The following CHL1 variants were observed in gnomAD, a reference collection of about 807,000 sequenced individuals.
CHL1 encodes cell adhesion molecule L1 like.
Under a neutral mutation model 141.9 loss-of-function variants are expected in CHL1, and 96 were observed. The ratio of observed to expected loss-of-function variants is 0.68; its 90% CI spans 0.57 to 0.80. The LOEUF (loss-of-function observed/expected upper bound fraction) is 0.80. Among genes scored for constraint, CHL1 ranks in the 30% least tolerant of loss-of-function variants. CHL1 has a pLI of 0.00. For synonymous variants in CHL1, 613 were observed against 502.2 expected, an observed-to-expected ratio of 1.22 and a Z score of -2.95; for missense variants, 1,820 against 1,457.2, an observed-to-expected ratio of 1.25 and a Z score of -4.05.
chr3:340,337 T>C (rs1457641059), intron 5 of CHL1, among the ~76,000 whole-genome samples: 2 of 152,196 alleles, frequency 1.3e-5, no homozygotes, highest in Non-Finnish European at 2.9e-5. Context: ...TTTTATTTAG[T>C]GTGGTTAATG....
chr3:307,314 A>G (rs465542), intron 2 of CHL1, among the ~76,000 whole-genome samples: 1 of 152,228 alleles, frequency 6.6e-6, no homozygotes, highest in Non-Finnish European at 1.5e-5. Context: ...ATGCACAAGC[A>G]TGCATTTACA....
intron 10 of CHL1, among the ~76,000 whole-genome samples, chr3:349,799 C>T (rs1465411754): frequency 6.6e-6 from 1 of 152,146 alleles, no homozygotes; most frequent in African/African-American, 2.4e-5. Flanking sequence ...ATGATTTATT[C>T]AAATAGTCAT....
At chr3:382,745 G>C (rs1020756355) in intron 18 of CHL1, 74 bp downstream of exon 18, 6 of 1,229,132 alleles carry the variant, frequency 4.9e-6, no homozygotes, top group Non-Finnish European at 5.9e-6. Flanking sequence ...AAAAAAAAAA[G>C]ATTGATAGAG....
intron 1 of CHL1, among the ~76,000 whole-genome samples, chr3:235,063 T>C (rs1015155559): frequency 6.6e-6 from 1 of 151,912 alleles, no homozygotes; most frequent in African/African-American, 2.4e-5. Flanking sequence ...TGCAGGTTAG[T>C]TACATATGTA....
In CHL1 at chr3:319,899, G is replaced by A. The variant is rs762988832; in HGVS notation, c.91+32G>A. 3.2e-6 allele frequency: 4 copies of A among 1,242,350 alleles called. No individual in the cohort carries two copies. In the South Asian group the frequency reaches 3.8e-5, roughly 12 times the overall value. The allele number at this position is 1,242,350 out of a possible 1,614,324, so 77.0% of individuals were successfully genotyped here. ...TTAAAACATTCAGTGCCTATTAATG[G>A]AATTTCATATTTGCATTTTGATTTT... On this transcript the variant is annotated intron_variant, in intron 3 of 27. Coordinates refer to ENST00000256509, the MANE Select transcript of CHL1 (RefSeq NM_006614.4).
At position 322,647 on chromosome 3, in the gene CHL1, T is replaced by TATATATATATATATATAAA. The variant is rs1400289941; in HGVS notation, c.91+2797_91+2798insAAATATATATATATATATA. Among the ~76,000 whole-genome samples the TATATATATATATATATAAA allele has an allele frequency of 1.3e-4, 6 of 44,778 alleles. No individual in the cohort carries two copies. In the African/African-American group the frequency reaches 1.4e-3, roughly 10 times the overall value. 29.4% of individuals were successfully genotyped at this position (44,778 alleles called of 152,430 possible). Reference sequence around the variant, plus strand: ...CTCTAAATTATATATATATATAAAATATATATATATATATATATATATAAT... The same window carrying TATATATATATATATATAAA: ...CTCTAAATTATATATATATATAAAATATATATATATATATATAAAATATATATATATATATATATATAAT... On this transcript the variant is annotated intron_variant, in intron 3 of 27. Transcript: ENST00000256509.
chr3:333,597 G>T (rs559743871), intron 5 of CHL1, among the ~76,000 whole-genome samples: 1 of 152,230 alleles, frequency 6.6e-6, no homozygotes, highest in South Asian at 2.1e-4. Flanking sequence ...TCCAAGACAT[G>T]GCACAGGGAT....
chr3:259,091 G>T (rs1472004213), intron 2 of CHL1, among the ~76,000 whole-genome samples: 1 of 151,756 alleles, frequency 6.6e-6, no homozygotes, highest in Non-Finnish European at 1.5e-5. Flanking sequence ...ATGCCACCAT[G>T]CATGTCTTTT....
intron 15 of CHL1, among the ~76,000 whole-genome samples, chr3:372,635 C>T (rs1199020659): frequency 1.3e-5 from 2 of 152,128 alleles, no homozygotes; most frequent in Non-Finnish European, 2.9e-5. Context: ...ATCCTCCATC[C>T]AGTTCTGCGC....
chr3:263,299 A>C (rs1228533867), intron 2 of CHL1, among the ~76,000 whole-genome samples: 1 of 152,156 alleles, frequency 6.6e-6, no homozygotes, highest in East Asian at 1.9e-4. Context: ...AGGTACATTA[A>C]GAGTTGCAGC....
intron 9 of CHL1, among the ~76,000 whole-genome samples, chr3:347,199 G>A (rs1485022168): frequency 1.3e-5 from 2 of 151,956 alleles, no homozygotes; most frequent in Non-Finnish European, 2.9e-5. Flanking sequence ...TGGGTTTAAA[G>A]TAGGTATAAT....
At chr3:384,970 A>G (rs1323615248) in intron 19 of CHL1, among the ~76,000 whole-genome samples, 1 of 152,202 alleles carries the variant, frequency 6.6e-6, no homozygotes, top group Non-Finnish European at 1.5e-5. Flanking sequence ...CACTTCAGTG[A>G]AATTAAGTTT....
At chr3:332,527 T>G (rs1454105197) in intron 5 of CHL1, among the ~76,000 whole-genome samples, 1 of 151,764 alleles carries the variant, frequency 6.6e-6, no homozygotes, top group Non-Finnish European at 1.5e-5. Flanking sequence ...TTTCTTTGTG[T>G]TTTTTTTACA....
chr3:382,176 TA>T lies in CHL1; in HGVS notation c.1877-2del. 6.2e-7 allele frequency: 1 copy of T among 1,610,262 alleles called. No individual in the cohort carries two copies. The highest frequency in any genetic ancestry group is 1.3e-5 in the African/African-American group (1 of 74,838). On this transcript the variant is annotated splice_acceptor_variant, in intron 16 of 27. Coordinates refer to ENST00000256509, the MANE Select transcript of CHL1 (RefSeq NM_006614.4). LOFTEE classifies it high-confidence loss of function. ...CTACATTTTCCCTTCCTTTATTAAT[TA>T]GATGTTCCGGATCCACCAGAAAACC...
chr3:316,261 G>A (rs1372098755), intron 2 of CHL1, among the ~76,000 whole-genome samples: 1 of 151,878 alleles, frequency 6.6e-6, no homozygotes, highest in Non-Finnish European at 1.5e-5. Flanking sequence ...TAATTTGGGG[G>A]CTGCATTTCA....
At chr3:216,136 T>C (rs980808836) in intron 1 of CHL1, among the ~76,000 whole-genome samples, 10 of 152,202 alleles carry the variant, frequency 6.6e-5, no homozygotes, top group Non-Finnish European at 1.0e-4. Context: ...AATACCACTG[T>C]ATTTAAAAGG....
chr3:305,010 A>C (rs1699102536), intron 2 of CHL1, among the ~76,000 whole-genome samples: 1 of 152,108 alleles, frequency 6.6e-6, no homozygotes, highest in South Asian at 2.1e-4. Context: ...GTCACGGATA[A>C]ACTTTATTTC....
intron 10 of CHL1, among the ~76,000 whole-genome samples, chr3:352,306 C>A (rs1703337023): frequency 6.6e-6 from 1 of 152,008 alleles, no homozygotes; most frequent in Non-Finnish European, 1.5e-5. Flanking sequence ...TGTGAAGAAA[C>A]AGTTTTACTA....
chr3:291,462 C>CT (rs71619447), intron 2 of CHL1, among the ~76,000 whole-genome samples: 17 of 148,730 alleles, frequency 1.1e-4, no homozygotes, highest in Admixed American at 8.7e-4. Flanking sequence ...TTTTCTTTTT[C>CT]TTTTTTTTAA....
Sources: gnomAD v4.1 joint callset for allele counts (sites outside exome capture counted in the v4.1 genomes callset) on GRCh38, gnomAD v4.1.1 for gene constraint, MANE v1.5 for transcripts, NCBI Gene and HGNC (gene_info 2026-07-23, HGNC 2026-07-21) for gene names.